Variants in WASHC3 observed in about 807,000 individuals in gnomAD.
The protein encoded by WASHC3 is WASH complex subunit 3, also known as WASH complex subunit CCDC53.
A neutral mutation model predicts 26.1 loss-of-function variants in WASHC3; 24 were observed. The ratio of observed to expected loss-of-function variants is 0.92; its 90% CI spans 0.66 to 1.29. WASHC3 has a LOEUF of 1.29. Among genes scored for constraint, WASHC3 ranks in the 50% most tolerant of loss-of-function variants. WASHC3 has a pLI of 0.00. For missense variants in WASHC3, 214 were observed against 229.6 expected (o/e 0.93, Z 0.44); for synonymous variants, 77 against 75.7 (o/e 1.02, Z -0.09).
chr12:102,040,971 A>G (rs1016803312), intron 4 of WASHC3, among the ~76,000 whole-genome samples: 1 of 151,974 alleles, frequency 6.6e-6, no homozygotes, highest in Non-Finnish European at 1.5e-5. Context: ...AATGTGAATT[A>G]CATATTGAAG....
intron 2 of WASHC3, among the ~76,000 whole-genome samples, chr12:102,055,537 C>T (rs975914125): frequency 6.6e-6 from 1 of 152,062 alleles, no homozygotes; most frequent in Non-Finnish European, 1.5e-5. Context: ...GTAGAGACAG[C>T]ATTCCACCAT....
rs575677415 is a variant in WASHC3, at chr12:102,054,932, C to T, written c.150+6316G>A. Among the ~76,000 whole-genome samples, 10 of 152,094 alleles carry T rather than the reference C, an allele frequency of 6.6e-5. No individual in the cohort carries two copies. In the East Asian group the frequency reaches 1.7e-3, roughly 26 times the overall value. On this transcript the variant is annotated intron_variant, in intron 2 of 6. Transcript: ENST00000240079. ...GCAGTTTTAAGAGGAAAGGAAGCTT[C>T]GGCAGTAAAGACCTATAACAAAAAA...
intron 6 of WASHC3, among the ~76,000 whole-genome samples, chr12:102,020,267 A>G (rs1367683810): frequency 6.6e-6 from 1 of 152,130 alleles, no homozygotes. Context: ...GGTTTATTAC[A>G]CCAAGGAAGT....
At chr12:102,039,737 G>A (rs1877860803) in intron 5 of WASHC3, 131 bp downstream of exon 5, 2 of 432,556 alleles carry the variant, frequency 4.6e-6, no homozygotes, top group Middle Eastern at 6.4e-4. Flanking sequence ...TAGAAAGGAA[G>A]TAAGAGAATA....
intron 5 of WASHC3, among the ~76,000 whole-genome samples, chr12:102,035,085 A>AT (rs538545529): frequency 4.8e-4 from 73 of 152,238 alleles, no homozygotes; most frequent in Admixed American, 1.2e-3. Flanking sequence ...ACCTAGCCGG[A>AT]TGGAAGATTT....
At chr12:102,030,313 A>G (rs1049424023) in intron 5 of WASHC3, among the ~76,000 whole-genome samples, 2 of 151,390 alleles carry the variant, frequency 1.3e-5, no homozygotes, top group African/African-American at 4.8e-5. Context: ...AAAAAAAAAA[A>G]TTATTGTATT....
intron 1 of WASHC3, 43 bp from the exon 2 acceptor site, chr12:102,061,389 T>G: frequency 7.9e-7 from 1 of 1,263,840 alleles, no homozygotes; most frequent in Middle Eastern, 1.9e-4. Flanking sequence ...AGGAGGAACG[T>G]ACACAGTGCA....
chr12:102,021,373 T>C (rs904755907), intron 6 of WASHC3, among the ~76,000 whole-genome samples: 7 of 152,346 alleles, frequency 4.6e-5, no homozygotes, highest in South Asian at 2.1e-4. Flanking sequence ...CTAGGTAGGA[T>C]GGACTTTTGC....
At chr12:102,048,097 T>G (rs909582152) in intron 2 of WASHC3, among the ~76,000 whole-genome samples, 1 of 152,208 alleles carries the variant, frequency 6.6e-6, no homozygotes, top group Non-Finnish European at 1.5e-5. Flanking sequence ...AATGATCAAT[T>G]CGTTTCTCAC....
At chr12:102,050,230 G>A (rs1158845374) in intron 2 of WASHC3, 1 of 445,258 alleles carries the variant, frequency 2.2e-6, no homozygotes, top group Admixed American at 2.4e-5. Context: ...AGGAGGTCTA[G>A]GCTGCAGTGA....
At chr12:102,034,079 G>A (rs1446971073) in intron 5 of WASHC3, among the ~76,000 whole-genome samples, 3 of 152,192 alleles carry the variant, frequency 2.0e-5, no homozygotes, top group African/African-American at 4.8e-5. Flanking sequence ...AAGGTAGTCT[G>A]TAATGAAGTC....
chr12:102,018,883 AC>A (rs1263347999), intron 6 of WASHC3, among the ~76,000 whole-genome samples: 2 of 151,938 alleles, frequency 1.3e-5, no homozygotes, highest in Non-Finnish European at 2.9e-5. Flanking sequence ...TCCAACCTCC[AC>A]CTCCCAGGTT....
intron 5 of WASHC3, among the ~76,000 whole-genome samples, chr12:102,036,095 C>T (rs890318593): frequency 2.6e-5 from 4 of 152,094 alleles, no homozygotes; most frequent in African/African-American, 4.8e-5. Flanking sequence ...TGTGGTGGCT[C>T]ACGCCTGTAA....
intron 2 of WASHC3, among the ~76,000 whole-genome samples, chr12:102,046,779 T>C (rs1878185499): frequency 6.6e-6 from 1 of 152,148 alleles, no homozygotes; most frequent in Non-Finnish European, 1.5e-5. Context: ...GCTTAATAAT[T>C]ATTTGTTGAT....
At chr12:102,044,351 A>G in intron 3 of WASHC3, 139 bp from the exon 4 acceptor site, 1 of 386,710 alleles carries the variant, frequency 2.6e-6, no homozygotes, top group Non-Finnish European at 4.6e-6. Flanking sequence ...GTCATAAACT[A>G]AAAGTGAAAG....
chr12:102,054,562 T>A (rs1198271731), intron 2 of WASHC3, among the ~76,000 whole-genome samples: 9 of 152,146 alleles, frequency 5.9e-5, no homozygotes, highest in Non-Finnish European at 1.3e-4. Context: ...AATGAAACAC[T>A]GGCCCTAACA....
intron 6 of WASHC3, among the ~76,000 whole-genome samples, chr12:102,023,414 T>G (rs992148217): frequency 2.0e-5 from 3 of 152,204 alleles, no homozygotes; most frequent in African/African-American, 7.2e-5. Flanking sequence ...ATGTTTATAC[T>G]TTAAAAGAAA....
chr12:102,054,109 T>G (rs1878499709), intron 2 of WASHC3, among the ~76,000 whole-genome samples: 1 of 151,854 alleles, frequency 6.6e-6, no homozygotes, highest in African/African-American at 2.4e-5. Context: ...AAGTAAGGAA[T>G]CAAAGTATAT....
intron 5 of WASHC3, among the ~76,000 whole-genome samples, chr12:102,038,094 C>A (rs907581676): frequency 6.6e-6 from 1 of 152,060 alleles, no homozygotes; most frequent in African/African-American, 2.4e-5. Context: ...CATGCCCGGC[C>A]CGGGTCATTT....
Sources: allele counts gnomAD v4.1 joint callset (sites outside exome capture counted in the v4.1 genomes callset), GRCh38; gene constraint gnomAD v4.1.1; transcripts MANE v1.5; gene names NCBI Gene and HGNC (gene_info 2026-07-23, HGNC 2026-07-21).